The following GNAQ variants were observed in gnomAD, a reference collection of about 807,000 sequenced individuals.
GNAQ encodes G protein subunit alpha q.
In GNAQ, 8 loss-of-function variants were observed where a neutral mutation model predicts 43.9. The ratio of observed to expected loss-of-function variants is 0.18; its 90% CI spans 0.11 to 0.33. The LOEUF (loss-of-function observed/expected upper bound fraction) is 0.33, where lower values mean the gene tolerates loss of function less well. Ranked by LOEUF, GNAQ falls within the 10% of genes least tolerant of loss-of-function variation. The pLI is 1.00. For synonymous variants in GNAQ, 155 were observed against 170.7 expected, an observed-to-expected ratio of 0.91 and a Z score of 0.71; for missense variants, 158 against 450.8, an observed-to-expected ratio of 0.35 and a Z score of 5.88.
intron 1 of GNAQ, among the ~76,000 whole-genome samples, chr9:78,000,580 G>C (rs1823631135): frequency 6.6e-6 from 1 of 152,142 alleles, no homozygotes; most frequent in African/African-American, 2.4e-5. Flanking sequence ...ATTATAATGT[G>C]TCACCTTGCT....
chr9:77,775,557 C>T (rs1245435254), intron 5 of GNAQ, among the ~76,000 whole-genome samples: 1 of 151,928 alleles, frequency 6.6e-6, no homozygotes, highest in Admixed American at 6.6e-5. Flanking sequence ...CTATAGGCGC[C>T]CGCCACCACG....
intron 2 of GNAQ, among the ~76,000 whole-genome samples, chr9:77,861,365 C>CACT: frequency 6.6e-6 from 1 of 152,272 alleles, no homozygotes; most frequent in Admixed American, 6.5e-5. Flanking sequence ...CCTTGCCACT[C>CACT]CCAAATCTCA....
chr9:77,940,927 G>C (rs551720484), intron 1 of GNAQ, among the ~76,000 whole-genome samples: 61 of 151,380 alleles, frequency 4.0e-4, no homozygotes, highest in African/African-American at 1.4e-3. Flanking sequence ...TCACACCACT[G>C]CACTCCAGCC....
chr9:78,022,400 A>C (rs926951236), intron 1 of GNAQ, among the ~76,000 whole-genome samples: 9 of 152,336 alleles, frequency 5.9e-5, no homozygotes, highest in African/African-American at 2.2e-4. Flanking sequence ...CCCTGAGGTT[A>C]GTTATGTGGG....
intron 2 of GNAQ, among the ~76,000 whole-genome samples, chr9:77,885,239 A>G (rs1218148877): frequency 6.6e-6 from 1 of 152,100 alleles, no homozygotes; most frequent in Non-Finnish European, 1.5e-5. Flanking sequence ...ACCCTGACAG[A>G]GGCCTAAACT....
intron 5 of GNAQ, among the ~76,000 whole-genome samples, chr9:77,774,104 T>C (rs1826270274): frequency 6.6e-6 from 1 of 152,144 alleles, no homozygotes; most frequent in Middle Eastern, 3.2e-3. Context: ...GACCACAGCA[T>C]TTTCATTTGA....
At chr9:77,954,654 T>A (rs1209974601) in intron 1 of GNAQ, among the ~76,000 whole-genome samples, 1 of 152,138 alleles carries the variant, frequency 6.6e-6, no homozygotes, top group Non-Finnish European at 1.5e-5. Flanking sequence ...AAAATTGAGA[T>A]TCCAGAGCTG....
chr9:77,987,301 T>C (rs1029358042), intron 1 of GNAQ, among the ~76,000 whole-genome samples: 2 of 152,152 alleles, frequency 1.3e-5, no homozygotes, highest in African/African-American at 4.8e-5. Flanking sequence ...CTCTGGGTGC[T>C]TGCTTTCAAG....
chr9:78,017,738 T>A (rs118029866), intron 1 of GNAQ, among the ~76,000 whole-genome samples: 1 of 152,090 alleles, frequency 6.6e-6, no homozygotes, highest in African/African-American at 2.4e-5. Context: ...AACAACAGAC[T>A]GGGGTTAAGT....
chr9:77,817,327 C>A (rs1827035159), intron 2 of GNAQ, among the ~76,000 whole-genome samples: 1 of 152,122 alleles, frequency 6.6e-6, no homozygotes, highest in African/African-American at 2.4e-5. Flanking sequence ...AGGCTCAACA[C>A]CGCATAATCA....
At chr9:77,906,500 C>A (rs1440099419) in intron 2 of GNAQ, among the ~76,000 whole-genome samples, 1 of 152,054 alleles carries the variant, frequency 6.6e-6, no homozygotes, top group Non-Finnish European at 1.5e-5. Context: ...AGCAGTTTAT[C>A]CTGCAAGGAT....
intron 6 of GNAQ, 94 bp from the exon 7 acceptor site, chr9:77,721,607 G>A (rs1825316370): frequency 1.3e-6 from 1 of 773,154 alleles, no homozygotes; most frequent in African/African-American, 1.7e-5. Flanking sequence ...CATTGCTCAT[G>A]AAGCCTACAT....
intron 1 of GNAQ, among the ~76,000 whole-genome samples, chr9:78,014,007 G>T (rs1420943860): frequency 6.6e-6 from 1 of 152,116 alleles, no homozygotes; most frequent in African/African-American, 2.4e-5. Context: ...TTTGATCTCT[G>T]AAGATGATAA....
intron 1 of GNAQ, among the ~76,000 whole-genome samples, chr9:77,996,405 C>T (rs547167958): frequency 7.8e-4 from 118 of 152,164 alleles, no homozygotes; most frequent in African/African-American, 2.1e-3. Flanking sequence ...ATTGGCTAGG[C>T]GCGGTGGCTC....
At chr9:77,727,512 G>C (rs1446391251) in intron 6 of GNAQ, among the ~76,000 whole-genome samples, 1 of 152,198 alleles carries the variant, frequency 6.6e-6, no homozygotes, top group African/African-American at 2.4e-5. Context: ...ATAATGCAGA[G>C]CCATAGGAGT....
At chr9:77,727,902 G>A (rs747364900) in intron 6 of GNAQ, among the ~76,000 whole-genome samples, 4 of 152,174 alleles carry the variant, frequency 2.6e-5, no homozygotes, top group Non-Finnish European at 5.9e-5. Context: ...CCAAATGAAA[G>A]GGAGACACAG....
chr9:77,895,862 C>A (rs1444058764), intron 2 of GNAQ, among the ~76,000 whole-genome samples: 9 of 152,150 alleles, frequency 5.9e-5, no homozygotes, highest in Non-Finnish European at 1.2e-4. Flanking sequence ...TGCACAAGCT[C>A]TCTCTGTCTG....
chr9:77,828,880 G>C (rs1409770421), intron 2 of GNAQ, among the ~76,000 whole-genome samples: 1 of 152,216 alleles, frequency 6.6e-6, no homozygotes, highest in East Asian at 1.9e-4. Context: ...GATAATGGCT[G>C]AGACACCTTG....
At chr9:77,778,574 T>C (rs191237272) in intron 5 of GNAQ, among the ~76,000 whole-genome samples, 227 of 152,010 alleles carry the variant, frequency 1.5e-3, no homozygotes, top group Non-Finnish European at 2.6e-3. Flanking sequence ...GTAGATATTA[T>C]TGCAATATAT....
Sources: gnomAD v4.1 joint callset for allele counts (sites outside exome capture counted in the v4.1 genomes callset) on GRCh38, gnomAD v4.1.1 for gene constraint, MANE v1.5 for transcripts, NCBI Gene and HGNC (gene_info 2026-07-23, HGNC 2026-07-21) for gene names.